The following GTF2F2 variants were observed in gnomAD, a reference collection of about 807,000 sequenced individuals.
GTF2F2 encodes general transcription factor IIF subunit 2.
GTF2F2 carries 23 observed loss-of-function variants against 42.2 expected under a neutral mutation model. The observed-to-expected ratio is 0.55, with a 90% CI of 0.39 to 0.77. The LOEUF is 0.77. Among genes scored for constraint, GTF2F2 ranks in the 30% least tolerant of loss-of-function variants. The pLI, the probability that GTF2F2 is intolerant of heterozygous loss-of-function variation, is 0.00. For synonymous variants in GTF2F2, 105 were observed against 100.8 expected, an observed-to-expected ratio of 1.04 and a Z score of -0.25; for missense variants, 261 against 287.2, an observed-to-expected ratio of 0.91 and a Z score of 0.66.
At chr13:45,203,712 G>T (rs1165077407) in intron 4 of GTF2F2, among the ~76,000 whole-genome samples, 1 of 152,148 alleles carries the variant, frequency 6.6e-6, no homozygotes, top group Non-Finnish European at 1.5e-5. Context: ...GCAGACGTGT[G>T]TGGGAGTACT....
intron 1 of GTF2F2, among the ~76,000 whole-genome samples, chr13:45,127,892 A>C (rs1375078989): frequency 7.1e-6 from 1 of 140,816 alleles, no homozygotes; most frequent in South Asian, 2.2e-4. Context: ...CAGCCTCCCA[A>C]AGTGCTAGGA....
At chr13:45,240,609 C>T (rs963902876) in intron 5 of GTF2F2, among the ~76,000 whole-genome samples, 2 of 152,066 alleles carry the variant, frequency 1.3e-5, no homozygotes, top group African/African-American at 2.4e-5. Context: ...GGTTGGATCA[C>T]CTGAGGTCAG....
chr13:45,136,600 A>G, intron 1 of GTF2F2, 133 bp from the exon 2 acceptor site: 1 of 568,360 alleles, frequency 1.8e-6, no homozygotes, highest in Non-Finnish European at 3.1e-6. Flanking sequence ...TATATAGTGT[A>G]AAACATACAG....
chr13:45,261,047 A>G (rs2138257119), intron 6 of GTF2F2, among the ~76,000 whole-genome samples: 1 of 152,226 alleles, frequency 6.6e-6, no homozygotes, highest in Non-Finnish European at 1.5e-5. Flanking sequence ...AATCACTTGA[A>G]CACGGGAGAC....
intron 1 of GTF2F2, among the ~76,000 whole-genome samples, chr13:45,120,993 C>G (rs1009805657): frequency 6.6e-6 from 1 of 152,178 alleles, no homozygotes; most frequent in African/African-American, 2.4e-5. Context: ...GTCTTGGTGT[C>G]CCCAGATTTG....
chr13:45,249,328 G>A (rs951846516), intron 5 of GTF2F2, among the ~76,000 whole-genome samples: 5 of 152,068 alleles, frequency 3.3e-5, no homozygotes, highest in Admixed American at 2.6e-4. Flanking sequence ...CCTTGTGGTT[G>A]CCTTTTAAAT....
In GTF2F2 at chr13:45,124,777, G is replaced by A. The variant is rs374252840; in HGVS notation, c.66+4056G>A. 2.6e-5 allele frequency among the ~76,000 whole-genome samples: 4 copies of A among 152,096 alleles called. No individual in the cohort carries two copies. In the East Asian group the frequency reaches 7.8e-4, roughly 30 times the overall value. On this transcript the variant is annotated intron_variant, in intron 1 of 7. Transcript: ENST00000340473. Reference sequence around the variant, plus strand: ...GATGGGGTTTCACCATGTTGGCCAGGATGGTCTTGAACAGCTGACCTCGTG... The same window carrying A: ...GATGGGGTTTCACCATGTTGGCCAGAATGGTCTTGAACAGCTGACCTCGTG...
At chr13:45,236,237 A>G (rs1874973364) in intron 5 of GTF2F2, among the ~76,000 whole-genome samples, 1 of 151,960 alleles carries the variant, frequency 6.6e-6, no homozygotes, top group South Asian at 2.1e-4. Context: ...CCATCATGGG[A>G]CTCTGTGGAC....
At chr13:45,271,556 T>TTTTC (rs1223291012) in intron 7 of GTF2F2, among the ~76,000 whole-genome samples, 3 of 151,640 alleles carry the variant, frequency 2.0e-5, no homozygotes, top group Non-Finnish European at 4.4e-5. Context: ...CTAATTTTTT[T>TTTTC]TTTCTTTCTT....
At chr13:45,245,146 A>G (rs536529928) in intron 5 of GTF2F2, among the ~76,000 whole-genome samples, 26 of 152,338 alleles carry the variant, frequency 1.7e-4, no homozygotes, top group African/African-American at 5.8e-4. Context: ...TAGTTTTTCT[A>G]CATCTGAAAA....
intron 5 of GTF2F2, among the ~76,000 whole-genome samples, chr13:45,249,378 T>TAA (rs199577231): frequency 4.5e-5 from 6 of 132,206 alleles, no homozygotes; most frequent in East Asian, 1.9e-4. Context: ...GAGTTTATTT[T>TAA]TAAAAAAAAA....
At chr13:45,234,341 A>G (rs1037897789) in intron 5 of GTF2F2, among the ~76,000 whole-genome samples, 5 of 152,232 alleles carry the variant, frequency 3.3e-5, no homozygotes, top group African/African-American at 7.2e-5. Flanking sequence ...AAATAGAGCT[A>G]GCAGTGCACA....
intron 4 of GTF2F2, among the ~76,000 whole-genome samples, chr13:45,191,738 A>G (rs1210216791): frequency 6.6e-6 from 1 of 152,172 alleles, no homozygotes; most frequent in Non-Finnish European, 1.5e-5. Context: ...ATTGTTTTAG[A>G]ACATTGTGAT....
intron 4 of GTF2F2, chr13:45,206,676 C>G (rs907118447): frequency 6.6e-6 from 1 of 152,212 alleles, no homozygotes; most frequent in African/African-American, 2.4e-5. Context: ...AGTGACCACA[C>G]CACAATGCTT....
At chr13:45,201,671 C>T (rs1017353186) in intron 4 of GTF2F2, among the ~76,000 whole-genome samples, 3 of 152,180 alleles carry the variant, frequency 2.0e-5, no homozygotes, top group African/African-American at 7.2e-5. Flanking sequence ...CATAAATTAC[C>T]ATCATCAAAG....
chr13:45,229,943 C>A (rs374460837), intron 5 of GTF2F2, among the ~76,000 whole-genome samples: 2 of 151,940 alleles, frequency 1.3e-5, no homozygotes, highest in Admixed American at 1.3e-4. Context: ...AGGCCTGGTG[C>A]GGTGACTCAC....
At chr13:45,152,997 G>A (rs1192767285) in intron 4 of GTF2F2, among the ~76,000 whole-genome samples, 2 of 150,796 alleles carry the variant, frequency 1.3e-5, no homozygotes, top group Non-Finnish European at 2.9e-5. Context: ...TTAAAAAAAG[G>A]AACATCCTCG....
intron 7 of GTF2F2, among the ~76,000 whole-genome samples, chr13:45,282,210 GATAATA>G (rs1229422738): frequency 6.6e-6 from 1 of 151,380 alleles, no homozygotes; most frequent in Non-Finnish European, 1.5e-5. Flanking sequence ...AAATAATAAT[GATAATA>G]ATAATTAATA....
At chr13:45,192,483 ATCT>A (rs1254780616) in intron 4 of GTF2F2, among the ~76,000 whole-genome samples, 1 of 152,172 alleles carries the variant, frequency 6.6e-6, no homozygotes, top group Non-Finnish European at 1.5e-5. Context: ...ATTTTCAGAC[ATCT>A]TCTTGAGATT....
Sources: allele counts gnomAD v4.1 joint callset (sites outside exome capture counted in the v4.1 genomes callset), GRCh38; gene constraint gnomAD v4.1.1; transcripts MANE v1.5; gene names NCBI Gene and HGNC (gene_info 2026-07-23, HGNC 2026-07-21).